The following FHIT variants were observed in gnomAD, a reference collection of about 807,000 sequenced individuals.
FHIT encodes the protein bis(5'-adenosyl)-triphosphatase.
Under a neutral mutation model 17.9 loss-of-function variants are expected in FHIT, and 19 were observed. That is an observed-to-expected ratio of 1.06 (90% CI 0.74 to 1.56). FHIT has a LOEUF of 1.56. Ranked by LOEUF, FHIT falls within the 40% of genes most tolerant of loss-of-function variation. The probability of loss-of-function intolerance (pLI) is 0.00; values close to 1 mark genes in which losing one functional copy is unlikely to be tolerated. For missense variants in FHIT, 248 were observed against 189.2 expected (o/e 1.31, Z -1.82); for synonymous variants, 81 against 69.7 (o/e 1.16, Z -0.81).
At chr3:60,329,447 G>A (rs1245700768) in intron 5 of FHIT, among the ~76,000 whole-genome samples, 1 of 152,138 alleles carries the variant, frequency 6.6e-6, no homozygotes, top group Non-Finnish European at 1.5e-5. Context: ...AGAGAATATT[G>A]TTCAATGAAC....
intron 8 of FHIT, among the ~76,000 whole-genome samples, chr3:59,849,653 G>T (rs1344647136): frequency 6.6e-6 from 1 of 152,164 alleles, no homozygotes; most frequent in Non-Finnish European, 1.5e-5. Context: ...TGGAAGAGAT[G>T]AAACAAGAGA....
At chr3:59,798,964 C>T (rs913268820) in intron 8 of FHIT, among the ~76,000 whole-genome samples, 1 of 152,186 alleles carries the variant, frequency 6.6e-6, no homozygotes, top group African/African-American at 2.4e-5. Context: ...AACCTCCAGC[C>T]ACGTTGGTGA....
intron 3 of FHIT, among the ~76,000 whole-genome samples, chr3:61,013,341 T>A (rs1212718800): frequency 6.6e-6 from 1 of 152,226 alleles, no homozygotes; most frequent in East Asian, 1.9e-4. Flanking sequence ...GAATTGTGGA[T>A]ATGATAAACT....
At chr3:61,109,314 C>T (rs2036084738) in intron 2 of FHIT, among the ~76,000 whole-genome samples, 1 of 152,122 alleles carries the variant, frequency 6.6e-6, no homozygotes, top group African/African-American at 2.4e-5. Context: ...GCTAAGAATC[C>T]AAGAATGGCC....
chr3:60,930,658 C>T (rs1707901021), intron 3 of FHIT, among the ~76,000 whole-genome samples: 1 of 152,138 alleles, frequency 6.6e-6, no homozygotes, highest in South Asian at 2.1e-4. Flanking sequence ...ATCAAAACCA[C>T]AATGAGATAC....
At chr3:60,359,792 A>G (rs950182378) in intron 5 of FHIT, among the ~76,000 whole-genome samples, 12 of 152,204 alleles carry the variant, frequency 7.9e-5, no homozygotes, top group African/African-American at 2.9e-4. Context: ...CCCTAAAAGC[A>G]TAACAGCATC....
intron 3 of FHIT, among the ~76,000 whole-genome samples, chr3:60,953,361 C>T (rs1708972729): frequency 6.6e-6 from 1 of 152,144 alleles, no homozygotes; most frequent in South Asian, 2.1e-4. Context: ...CCTTCCAAGG[C>T]TCGAACTGGA....
chr3:60,287,757 AG>A (rs1400930803), intron 5 of FHIT, among the ~76,000 whole-genome samples: 1 of 152,142 alleles, frequency 6.6e-6, no homozygotes, highest in East Asian at 1.9e-4. Context: ...GAAAGGATTC[AG>A]GGTTCTCTGA....
At position 60,235,328 on chromosome 3, in the gene FHIT, T is replaced by A. The variant is rs188558620; in HGVS notation, c.104-221176A>T. Among the ~76,000 whole-genome samples, 90 of 151,874 alleles carry A rather than the reference T, an allele frequency of 5.9e-4. 2 individuals are homozygous for A. In the Middle Eastern group the frequency reaches 0.01, roughly 17 times the overall value. ...TCACTGCAACCTCCGCCTCCTGGGTTCAAATGATTCTTCTGCCTCAACCTC... is the reference window on the plus strand; with the variant it reads ...TCACTGCAACCTCCGCCTCCTGGGTACAAATGATTCTTCTGCCTCAACCTC... On this transcript the variant is annotated intron_variant, in intron 5 of 9. Transcript: ENST00000492590.
At chr3:59,787,747 A>G (rs988046338) in intron 8 of FHIT, among the ~76,000 whole-genome samples, 5 of 152,238 alleles carry the variant, frequency 3.3e-5, no homozygotes, top group African/African-American at 1.2e-4. Context: ...AGGCACTACT[A>G]TTAGTCCCAT....
chr3:59,940,968 T>C (rs1473616716), intron 7 of FHIT, among the ~76,000 whole-genome samples: 1 of 152,158 alleles, frequency 6.6e-6, no homozygotes, highest in Non-Finnish European at 1.5e-5. Flanking sequence ...TCTGCATTTA[T>C]TCACTTTTTC....
At chr3:61,077,095 T>C (rs955798348) in intron 2 of FHIT, among the ~76,000 whole-genome samples, 34 of 152,066 alleles carry the variant, frequency 2.2e-4, no homozygotes, top group Non-Finnish European at 5.9e-5. Context: ...GCCACATACC[T>C]GAAACACAAT....
intron 5 of FHIT, among the ~76,000 whole-genome samples, chr3:60,114,046 T>A (rs1471851872): frequency 1.3e-4 from 4 of 29,944 alleles, no homozygotes; most frequent in African/African-American, 1.7e-4. Context: ...AATATATATA[T>A]ATATATATAT....
chr3:59,972,403 C>T (rs1276231968), intron 7 of FHIT, among the ~76,000 whole-genome samples: 1 of 152,078 alleles, frequency 6.6e-6, no homozygotes, highest in African/African-American at 2.4e-5. Flanking sequence ...CAGACTATTC[C>T]TTGGCATGTT....
intron 4 of FHIT, among the ~76,000 whole-genome samples, chr3:60,633,160 T>C (rs1553682864): frequency 6.6e-6 from 1 of 152,132 alleles, no homozygotes; most frequent in African/African-American, 2.4e-5. Context: ...TAAAAAGAAA[T>C]GTGCCCAAAA....
chr3:60,412,706 T>C (rs1702107454), intron 5 of FHIT, among the ~76,000 whole-genome samples: 1 of 152,180 alleles, frequency 6.6e-6, no homozygotes, highest in Non-Finnish European at 1.5e-5. Flanking sequence ...CAAACTGATA[T>C]GGTTTGGCTC....
intron 5 of FHIT, among the ~76,000 whole-genome samples, chr3:60,363,761 T>C (rs1020116465): frequency 1.3e-5 from 2 of 152,076 alleles, no homozygotes; most frequent in Admixed American, 6.6e-5. Context: ...CTGGCCCCCC[T>C]GGCCCCCCTG....
rs528328020 is a variant in FHIT, at chr3:60,539,443, G to A, written c.-17-2464C>T. Among the ~76,000 whole-genome samples the A allele has an allele frequency of 1.8e-4, 28 of 152,256 alleles. No homozygotes were observed. The East Asian group carries it at 3.5e-3, about 19-fold the overall frequency. The stretch of plus-strand genomic sequence containing the variant: ...TTTGACCCAGCCATCCCATTACTGG[G>A]TATATACCCAAAGGATTATAAATCA... On this transcript the variant is annotated intron_variant, in intron 4 of 9. Coordinates refer to ENST00000492590, the MANE Select transcript of FHIT (RefSeq NM_002012.4).
intron 5 of FHIT, among the ~76,000 whole-genome samples, chr3:60,424,903 G>T (rs1051937149): frequency 6.6e-5 from 10 of 152,148 alleles, no homozygotes; most frequent in African/African-American, 2.2e-4. Flanking sequence ...CACAGGCTCT[G>T]AAGTTTTTAT....
Sources: allele counts gnomAD v4.1 joint callset (sites outside exome capture counted in the v4.1 genomes callset), GRCh38; gene constraint gnomAD v4.1.1; transcripts MANE v1.5; gene names NCBI Gene and HGNC (gene_info 2026-07-23, HGNC 2026-07-21).